The following SLC6A16 variants were observed in gnomAD, a reference collection of about 807,000 sequenced individuals.
SLC6A16 encodes solute carrier family 6 member 16.
Under a neutral mutation model 65.4 loss-of-function variants are expected in SLC6A16, and 54 were observed. The observed-to-expected ratio is 0.83, with a 90% CI of 0.66 to 1.04. The LOEUF (loss-of-function observed/expected upper bound fraction) is 1.04. Ranked by LOEUF, SLC6A16 falls within the 50% of genes least tolerant of loss-of-function variation. The probability of loss-of-function intolerance (pLI) is 0.00; values close to 1 mark genes in which losing one functional copy is unlikely to be tolerated. For missense variants in SLC6A16, 816 were observed against 914.0 expected (o/e 0.89, Z 1.38); for synonymous variants, 330 against 346.5 (o/e 0.95, Z 0.53).
At chr19:49,317,008 G>C in intron 1 of SLC6A16, among the ~76,000 whole-genome samples, 1 of 152,110 alleles carries the variant, frequency 6.6e-6, no homozygotes, top group East Asian at 1.9e-4. Context: ...CTGAACTCCA[G>C]CCTGAGCAAC....
At chr19:49,336,975 G>C in the SLC6A16 span, 1 of 1,614,162 alleles carries the variant, frequency 6.2e-7, no homozygotes, top group African/African-American at 1.3e-5. Flanking sequence ...TTCACCATGG[G>C]CATCGCCCTC....
chr19:49,337,679 A>AAC, the SLC6A16 span: 1 of 1,526,200 alleles, frequency 6.6e-7, no homozygotes. Flanking sequence ...TCCAAAGGGA[A>AAC]ACACACGGGA....
At chr19:49,326,877 G>A (rs1970803625), upstream of SLC6A16, among the ~76,000 whole-genome samples, 2 of 152,024 alleles carry the variant, frequency 1.3e-5, no homozygotes, top group Admixed American at 6.6e-5. Flanking sequence ...AAACGAGCCA[G>A]GTGTGGTGGT....
chr19:49,338,039 C>T, the SLC6A16 span: 5 of 1,613,236 alleles, frequency 3.1e-6, no homozygotes, highest in Middle Eastern at 5.0e-4. This position sits in a 1 kb window ranked among gnomAD's most constrained non-coding sequence, Gnocchi z 5.0. Context: ...GGTAAGCCCC[C>T]CTCCTCCAGT....
intron 9 of SLC6A16, among the ~76,000 whole-genome samples, 190 bp downstream of exon 9, chr19:49,293,637 G>A (rs1452067704): frequency 2.6e-5 from 4 of 152,110 alleles, no homozygotes; most frequent in Admixed American, 6.5e-5. Flanking sequence ...GGTGATGCAC[G>A]CCTATGGTCC....
chr19:49,339,413 G>C, the SLC6A16 span: 1 of 1,613,278 alleles, frequency 6.2e-7, no homozygotes, highest in Non-Finnish European at 8.5e-7. This position sits in a 1 kb window ranked among gnomAD's most constrained non-coding sequence, Gnocchi z 4.5. Context: ...GCCTACTCGA[G>C]GTGATCTGGC....
At chr19:49,290,788 T>A in intron 10 of SLC6A16, 21 bp from the exon 11 acceptor site, 1 of 1,591,486 alleles carries the variant, frequency 6.3e-7, no homozygotes, top group Non-Finnish European at 8.6e-7. Context: ...GCCACCAGAG[T>A]GTGGGATGCC....
chr19:49,328,321 AACTC>A (rs1179462262), upstream of SLC6A16, among the ~76,000 whole-genome samples: 6 of 152,184 alleles, frequency 3.9e-5, no homozygotes, highest in East Asian at 3.8e-4. Context: ...ATCTCATGAG[AACTC>A]ACTCACTATC....
intron 1 of SLC6A16, among the ~76,000 whole-genome samples, chr19:49,315,566 G>A (rs1354910163): frequency 1.3e-5 from 2 of 152,170 alleles, no homozygotes; most frequent in African/African-American, 4.8e-5. Context: ...GCTGAGGCAG[G>A]AGATGTTTTA....
intron 2 of SLC6A16, 99 bp downstream of exon 2, chr19:49,310,834 A>C: frequency 1.1e-6 from 1 of 951,752 alleles, no homozygotes; most frequent in Admixed American, 2.3e-5. Context: ...CCAGGTCTTT[A>C]GTCTCTACAT....
At chr19:49,338,594 T>TA in the SLC6A16 span, 3 of 797,784 alleles carry the variant, frequency 3.8e-6, no homozygotes, top group Non-Finnish European at 6.4e-6. The surrounding 1 kb of genome is among the most constrained non-coding windows in gnomAD (Gnocchi z 5.0). Context: ...ACCCACCACT[T>TA]AGTCCCCTGC....
chr19:49,290,403 AT>A lies in SLC6A16; in HGVS notation c.1942-12del, dbSNP rs1248657817. 3.9e-5 allele frequency: 63 copies of A among 1,605,836 alleles called. No homozygotes were observed. In the Admixed American group the frequency reaches 1.1e-3, roughly 27 times the overall value. ...AAGCACCTCTTTTGACTGTGGAGAG[AT>A]GGGAAAAGGGTTCAGAATATCAAAA... On this transcript the variant is annotated splice_polypyrimidine_tract_variant and intron_variant, in intron 11 of 11. Transcript: ENST00000335875.
In SLC6A16 at chr19:49,314,615, C is replaced by A. The variant is rs148757699; in HGVS notation, c.-64-3204G>T. On this transcript the variant is annotated intron_variant, in intron 1 of 11. Transcript: ENST00000335875. Reference sequence around the variant, plus strand: ...CTGTATCTCCCCACAAGATATTCCCCCCAAAAAAACCCAAGAAACTAGTAT... The same window carrying A: ...CTGTATCTCCCCACAAGATATTCCCACCAAAAAAACCCAAGAAACTAGTAT... Among the ~76,000 whole-genome samples the A allele has an allele frequency of 2.4e-4, 37 of 152,120 alleles. No homozygotes were observed. The East Asian group carries it at 6.9e-3, about 29-fold the overall frequency.
In SLC6A16 at chr19:49,299,997, CAAAAAAA is replaced by C. The variant is rs889761825; in HGVS notation, c.1230-5451_1230-5445del. Among the ~76,000 whole-genome samples the C allele has an allele frequency of 1.0e-4, 5 of 49,002 alleles. No individual in the cohort carries two copies. In the South Asian group the frequency reaches 2.1e-3, roughly 21 times the overall value. 32.1% of individuals were successfully genotyped at this position (49,002 alleles called of 152,430 possible). A position where few individuals can be genotyped will look rare whatever the true frequency, so the allele number is the denominator to read the frequency against. ...TCAGCGACAGAGTGAGACTCTGTCT[CAAAAAAA>C]AAAAAAAAAAAAAAAGAGAGTAATT... On this transcript the variant is annotated intron_variant, in intron 7 of 11. Coordinates refer to ENST00000335875, the MANE Select transcript of SLC6A16 (RefSeq NM_014037.3).
chr19:49,309,048 C>T lies in SLC6A16; in HGVS notation c.1057G>A (p.Gly353Ser), dbSNP rs1259579341. The change falls in exon 7 of 12, where the codon GGC becomes AGC. Residue 353 changes from glycine to serine, a missense_variant. Physicochemically the swap from Gly to Ser is moderately conservative, Grantham distance 56 (BLOSUM62 0). Transcript: ENST00000335875. Reference protein sequence around the residue: ...GGQVLSNTGIGLGSVASLASY... With the variant: ...GGQVLSNTGISLGSVASLASY... ...GCTAAGGAGGCAACGGAGCCAAGGC[C>T]TATGCCTGTGTTAGACAAAACTTGA... 1 of 1,614,202 alleles carries T rather than the reference C, an allele frequency of 6.2e-7. No individual in the cohort carries two copies. The highest frequency in any genetic ancestry group is 8.5e-7 in the Non-Finnish European group (1 of 1,180,030).
At chr19:49,325,500 T>C (rs1027381489), upstream of SLC6A16, among the ~76,000 whole-genome samples, 1 of 152,230 alleles carries the variant, frequency 6.6e-6, no homozygotes, top group Non-Finnish European at 1.5e-5. Flanking sequence ...GAGAATCGTC[T>C]CATTCATTCC....
chr19:49,339,753 G>A, the SLC6A16 span: 11 of 1,391,362 alleles, frequency 7.9e-6, no homozygotes, highest in South Asian at 1.7e-5. The surrounding 1 kb of genome is among the most constrained non-coding windows in gnomAD (Gnocchi z 4.5). Flanking sequence ...CGAGCCCCGG[G>A]CCCAGCCTGA....
At chr19:49,327,130 G>A (rs192300623), upstream of SLC6A16, among the ~76,000 whole-genome samples, 239 of 151,238 alleles carry the variant, frequency 1.6e-3, no homozygotes, top group African/African-American at 5.5e-3. Flanking sequence ...CTGAAGTGCA[G>A]TGGCATAATC....
At chr19:49,299,602 GAAAAAAA>G in intron 7 of SLC6A16, among the ~76,000 whole-genome samples, 1 of 115,314 alleles carries the variant, frequency 8.7e-6, no homozygotes, top group Non-Finnish European at 1.9e-5. Flanking sequence ...AATGTGCTAG[GAAAAAAA>G]AAAAAAAAAG....
Sources: allele counts gnomAD v4.1 joint callset (sites outside exome capture counted in the v4.1 genomes callset), GRCh38; gene constraint gnomAD v4.1.1; non-coding constraint Gnocchi (gnomAD v3.1); transcripts MANE v1.5; gene names NCBI Gene and HGNC (gene_info 2026-07-23, HGNC 2026-07-21).